Variants in CFAP57 observed in about 807,000 individuals in gnomAD.
The protein encoded by CFAP57 is cilia and flagella associated protein 57, also known as cilia- and flagella-associated protein 57.
Under a neutral mutation model 146.8 loss-of-function variants are expected in CFAP57, and 116 were observed. The ratio of observed to expected loss-of-function variants is 0.79; its 90% confidence interval spans 0.68 to 0.92. The LOEUF (loss-of-function observed/expected upper bound fraction) is 0.92. CFAP57 is among the 40% of genes least tolerant of loss of function. CFAP57 has a pLI of 0.00. For missense variants in CFAP57, 1,377 were observed against 1,527.2 expected (o/e 0.90, Z 1.64); for synonymous variants, 518 against 552.8 (o/e 0.94, Z 0.88).
At chr1:43,231,699 CA>C (rs10588937) in intron 18 of CFAP57, among the ~76,000 whole-genome samples, 11,630 of 83,500 alleles carry the variant, frequency 0.14, 734 homozygotes, top group South Asian at 0.27. Context: ...CCTAAAAATA[CA>C]AAAAAAAAAA....
intron 5 of CFAP57, among the ~76,000 whole-genome samples, chr1:43,185,678 C>CAAAAAAAA (rs57421849): frequency 2.0e-4 from 13 of 65,660 alleles, no homozygotes; most frequent in African/African-American, 4.6e-4. Context: ...CCCATCTCTA[C>CAAAAAAAA]AAAAAAAAAA....
intron 18 of CFAP57, among the ~76,000 whole-genome samples, chr1:43,228,607 C>T (rs990210578): frequency 4.0e-5 from 6 of 149,066 alleles, no homozygotes; most frequent in African/African-American, 1.5e-4. Flanking sequence ...GTCCTTGTGA[C>T]AATGACTTTT....
At chr1:43,246,837 A>C (rs890082815) in intron 22 of CFAP57, among the ~76,000 whole-genome samples, 3 of 152,254 alleles carry the variant, frequency 2.0e-5, no homozygotes, top group African/African-American at 7.2e-5. Context: ...GCTTGAGATT[A>C]AAAATTACTA....
At chr1:43,203,001 G>A (rs1277790027) in intron 9 of CFAP57, among the ~76,000 whole-genome samples, 8 of 151,730 alleles carry the variant, frequency 5.3e-5, no homozygotes, top group African/African-American at 9.7e-5. Flanking sequence ...GTGAAACTCC[G>A]TCTCTACTAA....
chr1:43,203,017 C>T (rs1006456278), intron 9 of CFAP57, among the ~76,000 whole-genome samples: 6 of 151,448 alleles, frequency 4.0e-5, no homozygotes, highest in East Asian at 2.0e-4. Context: ...ACTAAAAATA[C>T]AAAATATTAG....
rs758099362 is a variant in CFAP57 at position 43,254,162 on chromosome 1, G to A, written c.3724G>A (p.Glu1242Lys). 2.5e-5 allele frequency: 38 copies of A among 1,550,282 alleles called. No individual in the cohort carries two copies. Among genetic ancestry groups the A allele is most frequent in the African/African-American group, 8.2e-5 (6 of 73,008 alleles). ...TCGGCTTCCTTCCCTCTCCAACTCC[G>A]AGGTAGACTTAGAGGTGAAGACCAA... ...GVRLPSLSNS[E>K]VDLEVKTN Residue 1242 changes from glutamate to lysine, a missense_variant, in exon 23 of 23, where the codon GAG becomes AAG. Physicochemically the swap from Glu to Lys is moderately conservative, Grantham distance 56 (BLOSUM62 1). Coordinates refer to ENST00000372492, the MANE Select transcript of CFAP57 (RefSeq NM_001378189.1).
chr1:43,240,220 T>C (rs1055483522), intron 21 of CFAP57, among the ~76,000 whole-genome samples: 1 of 152,130 alleles, frequency 6.6e-6, no homozygotes, highest in Non-Finnish European at 1.5e-5. Flanking sequence ...ATGAGTTTAT[T>C]TAGGTCTTCC....
At chr1:43,241,457 T>C (rs472333) in intron 21 of CFAP57, among the ~76,000 whole-genome samples, 145,317 of 152,122 alleles carry the variant, frequency 0.96, 69,435 homozygotes, top group East Asian at 1. Flanking sequence ...CCCTTCTGGG[T>C]TCCACAGGTA....
rs550986912 is a variant in CFAP57 at position 43,217,768 on chromosome 1, G to C, written c.2092-1614G>C. ...CTGCCTTTGGTCCTTCCTTAATCTA[G>C]TCCGTGCTGCGTACCGCCATTGGAG... On this transcript the variant is annotated intron_variant, in intron 12 of 22. Coordinates refer to ENST00000372492, the MANE Select transcript of CFAP57 (RefSeq NM_001378189.1). 5.3e-5 allele frequency among the ~76,000 whole-genome samples: 8 copies of C among 152,190 alleles called. No individual in the cohort carries two copies. In the South Asian group the frequency reaches 1.7e-3, roughly 32 times the overall value.
At chr1:43,194,342 A>C (rs574358759) in intron 6 of CFAP57, among the ~76,000 whole-genome samples, 2 of 152,146 alleles carry the variant, frequency 1.3e-5, no homozygotes, top group East Asian at 3.9e-4. Context: ...GTAAGTGATC[A>C]GTCATTTTTC....
At position 43,181,676 on chromosome 1, in the gene CFAP57, T is replaced by C. The variant is rs1389030437; in HGVS notation, c.300T>C (p.Leu100=). ...SSIPCRKRKV[L]NNFDFQVQKF... ...TCCCTTGCCGGAAGCGCAAAGTTCT[T>C]AATAATTTTGACTTCCAAGTTCAGA... Residue 100 remains leucine, a synonymous_variant, in exon 3 of 23, where the codon CTT becomes CTC. Transcript: ENST00000372492. 1 of 1,614,242 alleles carries C rather than the reference T, an allele frequency of 6.2e-7. No homozygotes were observed. The highest frequency in any genetic ancestry group is 1.7e-5 in the Admixed American group (1 of 60,028).
intron 18 of CFAP57, among the ~76,000 whole-genome samples, chr1:43,227,836 T>A (rs1316527520): frequency 1.3e-5 from 2 of 152,140 alleles, no homozygotes; most frequent in Admixed American, 1.3e-4. Context: ...CTTCCTCCAG[T>A]TTTCCCTCTC....
At chr1:43,183,986 A>G (rs1329057298) in intron 4 of CFAP57, 109 bp downstream of exon 4, 15 of 1,369,354 alleles carry the variant, frequency 1.1e-5, no homozygotes, top group Non-Finnish European at 1.5e-5. Flanking sequence ...GTAAAAGTCA[A>G]CTATGCCCAT....
At chr1:43,184,165 G>C (rs1258062758) in intron 4 of CFAP57, among the ~76,000 whole-genome samples, 1 of 152,060 alleles carries the variant, frequency 6.6e-6, no homozygotes, top group Non-Finnish European at 1.5e-5. Flanking sequence ...TTTTCCAGTG[G>C]CTAATTTAAT....
At chr1:43,210,781 A>G (rs1644569488) in intron 11 of CFAP57, 1 of 152,328 alleles carries the variant, frequency 6.6e-6, no homozygotes, top group African/African-American at 2.4e-5. Context: ...GTATTTAATA[A>G]CATGAACTGT....
intron 9 of CFAP57, chr1:43,206,498 A>G: frequency 1.7e-6 from 1 of 575,664 alleles, no homozygotes; most frequent in Non-Finnish European, 3.1e-6. Flanking sequence ...TCATAAAGTG[A>G]AAAAGAAATG....
At chr1:43,249,737 G>GC (rs1284594735) in intron 22 of CFAP57, among the ~76,000 whole-genome samples, 1 of 151,126 alleles carries the variant, frequency 6.6e-6, no homozygotes, top group Non-Finnish European at 1.5e-5. Context: ...GAGCCACTGC[G>GC]CCTGGCCCAA....
rs1157175640 is a variant in CFAP57 at position 43,222,983 on chromosome 1, A to C, written c.2692A>C (p.Ile898Leu). Residue 898 changes from isoleucine (I) to leucine (L), a missense_variant, in exon 16 of 23, where the codon ATC (isoleucine) becomes CTC (leucine). Transcript: ENST00000372492. ...CCTGCGGCTCAAGGGAGAAACAGGC[A>C]TCATGAGGAAGAAGGTAGCAGGCTG... is the stretch of plus-strand genomic sequence containing the variant. ...SNLRLKGETG[I>L]MRKKFSSLQK... 1.3e-6 allele frequency: 2 copies of C among 1,549,240 alleles called. No homozygotes were observed. The highest frequency in any genetic ancestry group is 1.4e-5 in the African/African-American group (1 of 73,002).
At chr1:43,198,148 T>C (rs1452362612) in intron 7 of CFAP57, among the ~76,000 whole-genome samples, 1 of 152,154 alleles carries the variant, frequency 6.6e-6, no homozygotes, top group African/African-American at 2.4e-5. Flanking sequence ...CAACCCTAGG[T>C]GGACCCCCAC....
Sources: gnomAD v4.1 joint callset for allele counts (sites outside exome capture counted in the v4.1 genomes callset) on GRCh38, gnomAD v4.1.1 for gene constraint, MANE v1.5 for transcripts, NCBI Gene and HGNC (gene_info 2026-07-23, HGNC 2026-07-21) for gene names.